Variants in NWD1 observed in about 807,000 individuals in gnomAD.
The protein encoded by NWD1 is NACHT domain- and WD repeat-containing protein 1.
NWD1 carries 129 observed loss-of-function variants against 135.1 expected under a neutral mutation model. The observed-to-expected ratio is 0.96, with a 90% CI of 0.83 to 1.11. NWD1 has a LOEUF of 1.11. Ranked by LOEUF, NWD1 falls within the 50% of genes least tolerant of loss-of-function variation. The probability of loss-of-function intolerance (pLI) is 0.00; values close to 1 mark genes in which losing one functional copy is unlikely to be tolerated. For missense variants in NWD1, 1,740 were observed against 1,851.3 expected, an observed-to-expected ratio of 0.94 and a Z score of 1.10; for synonymous variants, 773 against 786.0, an observed-to-expected ratio of 0.98 and a Z score of 0.28.
chr19:16,766,854 G>A (rs1256666995), intron 10 of NWD1, among the ~76,000 whole-genome samples: 1 of 152,124 alleles, frequency 6.6e-6, no homozygotes, highest in African/African-American at 2.4e-5. Flanking sequence ...CCAAAGTGCT[G>A]GGATGACAGG....
chr19:16,798,728 G>T (rs1282693866), intron 16 of NWD1, among the ~76,000 whole-genome samples: 1 of 152,168 alleles, frequency 6.6e-6, no homozygotes, highest in East Asian at 1.9e-4. Context: ...CTGGGTTCAA[G>T]CAATTCTCCT....
At chr19:16,777,035 A>G (rs1969627699) in intron 11 of NWD1, among the ~76,000 whole-genome samples, 2 of 86,392 alleles carry the variant, frequency 2.3e-5, no homozygotes, top group African/African-American at 4.7e-5. Context: ...GAGGGAAGGG[A>G]AAGGGAACTG....
At chr19:16,726,649 A>G (rs911368219) in intron 2 of NWD1, among the ~76,000 whole-genome samples, 1 of 151,884 alleles carries the variant, frequency 6.6e-6, no homozygotes, top group Non-Finnish European at 1.5e-5. Flanking sequence ...CATGTTGGCC[A>G]GGCTGGTTTG....
chr19:16,744,625 G>T lies in NWD1; in HGVS notation c.403G>T (p.Ala135Ser), dbSNP rs968133662. Reference sequence around the variant, plus strand: ...TGGGGAGGCCTGTGAACCAGAGGAGGCCACCTTAACTTCTGTCCTACGCTC... The same window carrying T: ...TGGGGAGGCCTGTGAACCAGAGGAGTCCACCTTAACTTCTGTCCTACGCTC... ...GTGEACEPEE[A>S]TLTSVLRSGA... Residue 135 changes from alanine (A) to serine (S), a missense_variant, in exon 5 of 19, where the codon GCC (alanine) becomes TCC (serine). Ala to Ser is a moderately conservative substitution (Grantham distance 99). Transcript: ENST00000524140. The T allele has an allele frequency of 3.3e-6, 5 of 1,535,002 alleles. No homozygotes were observed. In the African/African-American group the frequency reaches 4.1e-5, roughly 13 times the overall value.
chr19:16,787,898 AATAATAATC>A (rs1269085038), intron 12 of NWD1, among the ~76,000 whole-genome samples: 1,353 of 84,578 alleles, frequency 0.016, 9 homozygotes, highest in African/African-American at 0.039. Context: ...TAATAATAAT[AATAATAATC>A]ATCATCATCA....
chr19:16,798,015 T>C lies in NWD1; in HGVS notation c.3459+129T>C, dbSNP rs930079668. 107 of 777,654 alleles carry C rather than the reference T, an allele frequency of 1.4e-4. 1 individual carries two copies. Among genetic ancestry groups the C allele is most frequent in the Middle Eastern group, 5.3e-4 (2 of 3,772 alleles). The allele number at this position is 777,654 out of a possible 1,614,324, so 48.2% of individuals were successfully genotyped here. A position where few individuals can be genotyped will look rare whatever the true frequency, so the allele number is the denominator to read the frequency against. ...GTGCAGGCAAAATAGGTGAGTTCAT[T>C]GGGAGGATATGGGGGTGTATCCTCC... On this transcript the variant is annotated intron_variant, in intron 16 of 18. Coordinates refer to ENST00000524140, the MANE Select transcript of NWD1 (RefSeq NM_001007525.5).
intron 5 of NWD1, among the ~76,000 whole-genome samples, chr19:16,746,693 C>CA (rs941222236): frequency 0.085 from 6,202 of 72,984 alleles, 434 homozygotes; most frequent in African/African-American, 0.25. Context: ...CAAAAAACAA[C>CA]AAAAAAAAAC....
intron 6 of NWD1, 100 bp downstream of exon 6, chr19:16,750,511 G>C: frequency 1.1e-6 from 1 of 942,778 alleles, no homozygotes. Flanking sequence ...CTGGAGTGCA[G>C]TGGTGTGATC....
chr19:16,779,516 G>A, intron 12 of NWD1, 51 bp downstream of exon 12: 1 of 1,579,284 alleles, frequency 6.3e-7, no homozygotes, highest in Non-Finnish European at 8.6e-7. Context: ...TGAAAAGTTG[G>A]TTCTCAGAGC....
intron 17 of NWD1, 83 bp from the exon 18 acceptor site, chr19:16,807,503 C>T: frequency 1.6e-6 from 2 of 1,212,490 alleles, no homozygotes; most frequent in Non-Finnish European, 1.2e-6. Context: ...AAAAACAAAA[C>T]AAAACAAAAA....
intron 12 of NWD1, among the ~76,000 whole-genome samples, chr19:16,780,665 A>C (rs558438466): frequency 7.2e-6 from 1 of 139,632 alleles, no homozygotes; most frequent in East Asian, 2.1e-4. Flanking sequence ...TCTTTTTCTC[A>C]TTCTTTTTTT....
intron 4 of NWD1, among the ~76,000 whole-genome samples, chr19:16,744,130 A>T (rs8111360): frequency 0.15 from 22,627 of 152,182 alleles, 4,156 homozygotes; most frequent in African/African-American, 0.44. Context: ...GGCTCACGAC[A>T]GTAATCCCAG....
Position 16,749,508 on chromosome 19 carries a change from A to AG in NWD1, c.868dup (p.Glu290GlyfsTer41), listed in dbSNP as rs1258220077. ...CTCCGTGAGCTGGATACGGCCGGACAGGAGTTGGCGTGGCTCTACCAAGAG... is the reference window on the plus strand; with the variant it reads ...CTCCGTGAGCTGGATACGGCCGGACAGGGAGTTGGCGTGGCTCTACCAAGAG... On this transcript the variant is annotated frameshift_variant, in exon 6 of 19. Transcript: ENST00000524140. LOFTEE classifies it high-confidence loss of function. 1 of 1,610,522 alleles carries AG rather than the reference A, an allele frequency of 6.2e-7. No individual in the cohort carries two copies. Among genetic ancestry groups the AG allele is most frequent in the Non-Finnish European group, 8.5e-7 (1 of 1,177,134 alleles).
At chr19:16,736,885 C>A (rs1174028123) in intron 4 of NWD1, 135 bp downstream of exon 4, 4 of 643,114 alleles carry the variant, frequency 6.2e-6, no homozygotes, top group Non-Finnish European at 1.1e-5. Context: ...CTGCCTGTGG[C>A]AGACATTACT....
At chr19:16,738,833 C>T (rs974595599) in intron 4 of NWD1, among the ~76,000 whole-genome samples, 11 of 138,338 alleles carry the variant, frequency 8.0e-5, no homozygotes, top group Admixed American at 5.4e-4. Context: ...ATAATGTATA[C>T]ATTATATATT....
Position 16,749,734 on chromosome 19 carries a change from C to A in NWD1, c.1092C>A (p.His364Gln). The change falls in exon 6 of 19, where the codon CAC (histidine) becomes CAA (glutamine). Residue 364 changes from histidine (H) to glutamine (Q), a missense_variant. Transcript: ENST00000524140. ...AGCAGATGCCAAGGCTGCTGGGGCACAAGACAGTGACCGTCCTGCGGCTGC... is the reference window on the plus strand; with the variant it reads ...AGCAGATGCCAAGGCTGCTGGGGCAAAAGACAGTGACCGTCCTGCGGCTGC... The part of the protein sequence containing the change: ...LAEQMPRLLG[H>Q]KTVTVLRLLG... The A allele has an allele frequency of 6.2e-7, 1 of 1,606,746 alleles. No individual in the cohort carries two copies. Among genetic ancestry groups the A allele is most frequent in the Admixed American group, 1.7e-5 (1 of 59,502 alleles).
chr19:16,736,284 C>A (rs1274303843), intron 3 of NWD1, among the ~76,000 whole-genome samples: 6 of 142,090 alleles, frequency 4.2e-5, no homozygotes, highest in Non-Finnish European at 7.8e-5. Flanking sequence ...GGCTGGCATG[C>A]AGTAGTACAA....
chr19:16,790,638 A>AAAAAATAAT lies in NWD1; in HGVS notation c.2941-709_2941-708insAATAATAAA, dbSNP rs893745967. On this transcript the variant is annotated intron_variant, in intron 13 of 18. Coordinates refer to ENST00000524140, the MANE Select transcript of NWD1 (RefSeq NM_001007525.5). ...CCAAAACTGAAAGTAACATTAAAAA[A>AAAAAATAAT]AAATAAATAAATAAATAAATAAATA... Among the ~76,000 whole-genome samples the AAAAAATAAT allele has an allele frequency of 2.8e-4, 16 of 56,938 alleles. 1 individual carries two copies. Among genetic ancestry groups the AAAAAATAAT allele is most frequent in the African/African-American group, 8.9e-4 (16 of 17,902 alleles). 37.4% of individuals were successfully genotyped at this position (56,938 alleles called of 152,430 possible).
chr19:16,749,996 C>G lies in NWD1; in HGVS notation c.1354C>G (p.Pro452Ala). Residue 452 changes from proline to alanine, a missense_variant, in exon 6 of 19, where the codon CCC becomes GCC. Coordinates refer to ENST00000524140, the MANE Select transcript of NWD1 (RefSeq NM_001007525.5). ...LDSVRHARRV[P>A]WLPLNCPPRV... is the part of the protein sequence containing the mutation. ...CTCTGTCCGCCATGCTCGGAGGGTT[C>G]CCTGGCTGCCTCTCAACTGCCCCCC... 2 of 1,613,874 alleles carry G rather than the reference C, an allele frequency of 1.2e-6. No homozygotes were observed. The highest frequency in any genetic ancestry group is 8.5e-7 in the Non-Finnish European group (1 of 1,179,994).
Sources: allele counts gnomAD v4.1 joint callset (sites outside exome capture counted in the v4.1 genomes callset), GRCh38; gene constraint gnomAD v4.1.1; transcripts MANE v1.5; gene names NCBI Gene and HGNC (gene_info 2026-07-23, HGNC 2026-07-21).